The following KIF13B variants were observed in gnomAD, a reference collection of about 807,000 sequenced individuals.
The protein encoded by KIF13B is kinesin family member 13B.
A neutral mutation model predicts 222.0 loss-of-function variants in KIF13B; 127 were observed. That is an observed-to-expected ratio of 0.57 (90% confidence interval 0.50 to 0.66). The LOEUF (loss-of-function observed/expected upper bound fraction) is 0.66, where lower values mean the gene tolerates loss of function less well. Ranked by LOEUF, KIF13B falls within the 30% of genes least tolerant of loss-of-function variation. KIF13B has a pLI of 0.00. For missense variants in KIF13B, 2,173 were observed against 2,379.0 expected, an observed-to-expected ratio of 0.91 and a Z score of 1.80; for synonymous variants, 976 against 919.0, an observed-to-expected ratio of 1.06 and a Z score of -1.12.
chr8:29,118,160 TA>T (rs1168413765), intron 30 of KIF13B, among the ~76,000 whole-genome samples: 9 of 133,306 alleles, frequency 6.8e-5, no homozygotes, highest in Non-Finnish European at 9.6e-5. Context: ...TCCATCTCAA[TA>T]AAAAAAAAAT....
chr8:29,107,521 A>G (rs1410403445), intron 35 of KIF13B, among the ~76,000 whole-genome samples: 1 of 151,268 alleles, frequency 6.6e-6, no homozygotes, highest in African/African-American at 2.4e-5. Flanking sequence ...AGAGCGAAAC[A>G]TCATCACACA....
chr8:29,256,695 TGTTA>T (rs1184953859), intron 1 of KIF13B, among the ~76,000 whole-genome samples: 2 of 152,326 alleles, frequency 1.3e-5, no homozygotes, highest in East Asian at 3.9e-4. Flanking sequence ...ATTCTGGGAA[TGTTA>T]ATTAACCTCT....
At chr8:29,204,915 G>A (rs969666440) in intron 2 of KIF13B, among the ~76,000 whole-genome samples, 2 of 152,186 alleles carry the variant, frequency 1.3e-5, no homozygotes, top group African/African-American at 2.4e-5. Context: ...CTGAATTTCT[G>A]CTTGATTAGA....
chr8:29,257,399 G>A (rs1409400706), intron 1 of KIF13B, among the ~76,000 whole-genome samples: 3 of 151,614 alleles, frequency 2.0e-5, no homozygotes, highest in African/African-American at 7.3e-5. Flanking sequence ...AGCAAGCATA[G>A]AGATCAATAC....
At chr8:29,103,187 A>C (rs565108998) in intron 35 of KIF13B, among the ~76,000 whole-genome samples, 37 of 150,146 alleles carry the variant, frequency 2.5e-4, no homozygotes, top group Admixed American at 1.8e-3. Context: ...GCTTGCAGTG[A>C]GCCGAGATAG....
At chr8:29,111,454 T>C (rs1809351739) in intron 32 of KIF13B, among the ~76,000 whole-genome samples, 1 of 152,280 alleles carries the variant, frequency 6.6e-6, no homozygotes, top group African/African-American at 2.4e-5. Context: ...ATTTTGTTTT[T>C]AGATCTAGTC....
At chr8:29,132,743 T>C (rs1274418392) in intron 22 of KIF13B, among the ~76,000 whole-genome samples, 1 of 152,196 alleles carries the variant, frequency 6.6e-6, no homozygotes, top group Non-Finnish European at 1.5e-5. Context: ...TTAGCAATAT[T>C]TTGGGAGCTA....
intron 2 of KIF13B, among the ~76,000 whole-genome samples, chr8:29,201,298 T>C (rs1364621156): frequency 2.6e-5 from 4 of 152,252 alleles, no homozygotes; most frequent in African/African-American, 9.6e-5. Flanking sequence ...ATGAATAAAC[T>C]AACCTCTTCC....
intron 2 of KIF13B, among the ~76,000 whole-genome samples, chr8:29,214,270 T>C (rs1164048736): frequency 6.6e-6 from 1 of 151,516 alleles, no homozygotes; most frequent in Non-Finnish European, 1.5e-5. Flanking sequence ...TTTTAACTTT[T>C]TGATTCTTGT....
intron 10 of KIF13B, among the ~76,000 whole-genome samples, chr8:29,174,202 CTA>C (rs1812382868): frequency 6.6e-6 from 1 of 152,176 alleles, no homozygotes; most frequent in South Asian, 2.1e-4. Flanking sequence ...CATTTGATCT[CTA>C]GACTTAATAT....
intron 1 of KIF13B, among the ~76,000 whole-genome samples, chr8:29,248,162 G>C (rs779436609): frequency 1.7e-4 from 26 of 152,122 alleles, no homozygotes; most frequent in African/African-American, 6.0e-4. Context: ...GTTAAACAGC[G>C]TTACCATCTG....
intron 34 of KIF13B, among the ~76,000 whole-genome samples, chr8:29,109,174 C>T (rs1809236312): frequency 6.6e-6 from 1 of 152,168 alleles, no homozygotes; most frequent in Non-Finnish European, 1.5e-5. Context: ...CACTGAACAC[C>T]TCAGTCTATG....
chr8:29,133,105 G>C (rs1378860827), intron 22 of KIF13B, among the ~76,000 whole-genome samples: 1 of 152,166 alleles, frequency 6.6e-6, no homozygotes, highest in Non-Finnish European at 1.5e-5. Flanking sequence ...GGATTAGAAA[G>C]AGGCCTCTCT....
At chr8:29,255,202 T>C (rs973441405) in intron 1 of KIF13B, among the ~76,000 whole-genome samples, 1 of 152,200 alleles carries the variant, frequency 6.6e-6, no homozygotes, top group Non-Finnish European at 1.5e-5. Flanking sequence ...TGTTCTGGAA[T>C]TGTATACTAA....
intron 14 of KIF13B, among the ~76,000 whole-genome samples, chr8:29,155,000 G>A (rs1225886361): frequency 6.6e-6 from 1 of 152,166 alleles, no homozygotes; most frequent in Non-Finnish European, 1.5e-5. Flanking sequence ...GTTACAGACT[G>A]TTATACTTCC....
chr8:29,112,986 C>T (rs1809426410), intron 32 of KIF13B, among the ~76,000 whole-genome samples: 1 of 152,118 alleles, frequency 6.6e-6, no homozygotes, highest in Admixed American at 6.5e-5. Context: ...CTAGCACACG[C>T]ACAACAATTG....
In KIF13B at chr8:29,102,604, G is replaced by A. The variant is rs6651403; in HGVS notation, c.4216-3363C>T. Among the ~76,000 whole-genome samples the A allele has an allele frequency of 1.1e-3, 167 of 152,296 alleles. 1 individual carries two copies. The highest frequency in any genetic ancestry group is 3.8e-3 in the African/African-American group (159 of 41,564). On this transcript the variant is annotated intron_variant, in intron 35 of 39. Coordinates refer to ENST00000524189, the MANE Select transcript of KIF13B (RefSeq NM_015254.4). ...CCACTCCTGCTCCTCTGCCAGATAC[G>A]GATTCTTTGGGTTTTCTGGGAATGA...
chr8:29,118,112 C>T (rs940928379), intron 30 of KIF13B, among the ~76,000 whole-genome samples: 1 of 151,912 alleles, frequency 6.6e-6, no homozygotes, highest in Middle Eastern at 3.4e-3. Context: ...GAGCTGAGAT[C>T]GCACCATTGC....
At chr8:29,251,045 G>A (rs1023859049) in intron 1 of KIF13B, among the ~76,000 whole-genome samples, 1 of 151,978 alleles carries the variant, frequency 6.6e-6, no homozygotes, top group Non-Finnish European at 1.5e-5. Context: ...CAGCTACTCG[G>A]GAGGCCAAGG....
Sources: allele counts gnomAD v4.1 joint callset (sites outside exome capture counted in the v4.1 genomes callset), GRCh38; gene constraint gnomAD v4.1.1; transcripts MANE v1.5; gene names NCBI Gene and HGNC (gene_info 2026-07-23, HGNC 2026-07-21).